SIPA1L1: variants seen among roughly 807,000 people sequenced by gnomAD.
SIPA1L1 encodes signal induced proliferation associated 1 like 1, also known as signal-induced proliferation-associated 1-like protein 1.
Under a neutral mutation model 162.7 loss-of-function variants are expected in SIPA1L1, and 26 were observed. That is an observed-to-expected ratio of 0.16 (90% CI 0.12 to 0.22). The LOEUF is 0.22. Among genes scored for constraint, SIPA1L1 ranks in the 10% least tolerant of loss-of-function variants. The pLI is 1.00. For synonymous variants in SIPA1L1, 829 were observed against 837.4 expected, an observed-to-expected ratio of 0.99 and a Z score of 0.17; for missense variants, 1,874 against 2,241.0, an observed-to-expected ratio of 0.84 and a Z score of 3.31.
intron 2 of SIPA1L1, among the ~76,000 whole-genome samples, chr14:71,355,989 T>G (rs2037203114): frequency 6.6e-6 from 1 of 152,184 alleles, no homozygotes; most frequent in Admixed American, 6.5e-5. Context: ...CAAAAGAGAC[T>G]GTACTCTGAG....
chr14:71,350,637 G>A (rs1303240654), intron 2 of SIPA1L1, among the ~76,000 whole-genome samples: 1 of 152,116 alleles, frequency 6.6e-6, no homozygotes, highest in South Asian at 2.1e-4. Flanking sequence ...TACTGATCTG[G>A]GTCCGGGGAC....
chr14:71,649,440 C>G (rs1018540053), intron 7 of SIPA1L1, among the ~76,000 whole-genome samples: 3 of 152,122 alleles, frequency 2.0e-5, no homozygotes, highest in Non-Finnish European at 2.9e-5. Context: ...GATCTGCCCC[C>G]CTCAGCCTCC....
chr14:71,529,090 C>T (rs2053181637), intron 3 of SIPA1L1, among the ~76,000 whole-genome samples: 1 of 149,424 alleles, frequency 6.7e-6, no homozygotes, highest in African/African-American at 2.5e-5. Flanking sequence ...CTAGCCTGGG[C>T]AACAAGAGTG....
intron 5 of SIPA1L1, among the ~76,000 whole-genome samples, chr14:71,599,111 A>G (rs1453422595): frequency 4.7e-5 from 7 of 148,766 alleles, no homozygotes; most frequent in Non-Finnish European, 4.4e-5. Context: ...CTGCAGTTCC[A>G]TCCATCCATG....
At chr14:71,407,949 A>G (rs1249002146) in intron 2 of SIPA1L1, among the ~76,000 whole-genome samples, 1 of 152,172 alleles carries the variant, frequency 6.6e-6, no homozygotes, top group African/African-American at 2.4e-5. Flanking sequence ...TGGAAAGTCA[A>G]CAATGGAAAG....
At chr14:71,606,724 C>G (rs1367932013) in intron 5 of SIPA1L1, among the ~76,000 whole-genome samples, 2 of 151,984 alleles carry the variant, frequency 1.3e-5, no homozygotes, top group Admixed American at 6.6e-5. Context: ...CTCCACGCTC[C>G]CAACCGGTCC....
intron 3 of SIPA1L1, among the ~76,000 whole-genome samples, chr14:71,518,657 CCTG>C (rs2051987097): frequency 6.6e-6 from 1 of 152,010 alleles, no homozygotes; most frequent in South Asian, 2.1e-4. Flanking sequence ...TTTAAAATGT[CCTG>C]CTGGATGTAG....
chr14:71,668,903 A>G (rs181235001), intron 10 of SIPA1L1, among the ~76,000 whole-genome samples: 6 of 152,378 alleles, frequency 3.9e-5, no homozygotes, highest in Admixed American at 3.3e-4. Flanking sequence ...ATATATCTTA[A>G]GTAACTACAT....
chr14:71,602,484 C>CT (rs1371689212), intron 5 of SIPA1L1, among the ~76,000 whole-genome samples: 5 of 152,202 alleles, frequency 3.3e-5, no homozygotes, highest in Non-Finnish European at 5.9e-5. Flanking sequence ...AACATACAGT[C>CT]TATCTTGGAG....
Position 71,377,475 on chromosome 14 carries a change from C to T in SIPA1L1, c.-465+56294C>T, listed in dbSNP as rs184421926. On this transcript the variant is annotated intron_variant, in intron 2 of 23. Transcript: ENST00000381232. This position sits in a 1 kb window ranked among gnomAD's most constrained non-coding sequence, Gnocchi z 4.8. ...CCCAGACTGGGCGGCCAGGCAGAGACGCTCCTCACTTCCCAGACTGGGTGG... is the reference window on the plus strand; with the variant it reads ...CCCAGACTGGGCGGCCAGGCAGAGATGCTCCTCACTTCCCAGACTGGGTGG... 7.7e-4 allele frequency among the ~76,000 whole-genome samples: 116 copies of T among 151,128 alleles called. 1 individual carries two copies. The highest frequency in any genetic ancestry group is 2.2e-3 in the African/African-American group (89 of 41,156).
chr14:71,602,239 C>A lies in SIPA1L1; in HGVS notation c.1498+12869C>A, dbSNP rs566782374. Among the ~76,000 whole-genome samples, 3 of 152,156 alleles carry A rather than the reference C, an allele frequency of 2.0e-5. No individual in the cohort carries two copies. In the East Asian group the frequency reaches 5.8e-4, roughly 29 times the overall value. On this transcript the variant is annotated intron_variant, in intron 5 of 23. Transcript: ENST00000381232. ...TAACACTGTTTTTGCCATATCCCATCGGTTTTGTACATTGTTTTTTGGTTT... is the reference window on the plus strand; with the variant it reads ...TAACACTGTTTTTGCCATATCCCATAGGTTTTGTACATTGTTTTTTGGTTT...
At chr14:71,549,289 C>G (rs757850) in intron 4 of SIPA1L1, among the ~76,000 whole-genome samples, 125,586 of 151,888 alleles carry the variant, frequency 0.83, 52,396 homozygotes, top group East Asian at 0.94. Context: ...TCATTCACCT[C>G]ATCATCTAGG....
chr14:71,501,830 C>A (rs192715217), intron 2 of SIPA1L1, among the ~76,000 whole-genome samples: 229 of 152,074 alleles, frequency 1.5e-3, no homozygotes, highest in Non-Finnish European at 2.4e-3. Context: ...TTGAGACCAG[C>A]CTGGGTCTCA....
chr14:71,361,526 G>T (rs973920674), intron 2 of SIPA1L1, among the ~76,000 whole-genome samples: 1 of 152,130 alleles, frequency 6.6e-6, no homozygotes, highest in African/African-American at 2.4e-5. Flanking sequence ...ACTTTATCCT[G>T]GTCAACGGGT....
rs531142339 is a variant in SIPA1L1, at chr14:71,699,771, T to C, written c.3521+644T>C. 9.2e-5 allele frequency among the ~76,000 whole-genome samples: 14 copies of C among 152,318 alleles called. No homozygotes were observed. In the East Asian group the frequency reaches 1.2e-3, roughly 13 times the overall value. On this transcript the variant is annotated intron_variant, in intron 14 of 23. Transcript: ENST00000381232. ...AAGTGAGGCCAATAAATGAAAGTTA[T>C]AGAGAAGAAGGGTCCAGCCCATTTT...
intron 2 of SIPA1L1, among the ~76,000 whole-genome samples, chr14:71,328,444 C>T (rs2140236059): frequency 6.6e-6 from 1 of 152,310 alleles, no homozygotes; most frequent in East Asian, 1.9e-4. Flanking sequence ...TTTGAAGAAG[C>T]TCAGTAGGTG....
chr14:71,700,795 T>C (rs566331659), intron 14 of SIPA1L1, among the ~76,000 whole-genome samples: 73 of 151,834 alleles, frequency 4.8e-4, no homozygotes, highest in South Asian at 8.3e-4. Flanking sequence ...GAGATCAAGA[T>C]CATCCTGGCT....
intron 2 of SIPA1L1, among the ~76,000 whole-genome samples, chr14:71,495,911 A>AAAAAG (rs2049727734): frequency 9.4e-6 from 1 of 106,128 alleles, no homozygotes; most frequent in African/African-American, 2.7e-5. Context: ...AAAAAAAAAA[A>AAAAAG]AAGAAGAAGA....
At position 71,440,870 on chromosome 14, in the gene SIPA1L1, A is replaced by G. The variant is rs374612963; in HGVS notation, c.-464-71873A>G. Among the ~76,000 whole-genome samples the G allele has an allele frequency of 7.9e-5, 12 of 152,078 alleles. No individual in the cohort carries two copies. In the South Asian group the frequency reaches 1.5e-3, roughly 18 times the overall value. ...TACCCTTTTAATGTAGGTATTGAGA[A>G]ACCATTGATGGTTTTGGGGTAGGTG... On this transcript the variant is annotated intron_variant, in intron 2 of 23. Coordinates refer to ENST00000381232, the MANE Select transcript of SIPA1L1 (RefSeq NM_001386936.1).
Sources: allele counts gnomAD v4.1 joint callset (sites outside exome capture counted in the v4.1 genomes callset), GRCh38; gene constraint gnomAD v4.1.1; non-coding constraint Gnocchi (gnomAD v3.1); transcripts MANE v1.5; gene names NCBI Gene and HGNC (gene_info 2026-07-23, HGNC 2026-07-21).